The following PIEZO2 variants were observed in gnomAD, a reference collection of about 807,000 sequenced individuals.
PIEZO2 encodes the protein piezo type mechanosensitive ion channel component 2.
In PIEZO2, 172 loss-of-function variants were observed where a neutral mutation model predicts 337.3. The observed-to-expected ratio is 0.51, with a 90% CI of 0.45 to 0.58. The LOEUF (loss-of-function observed/expected upper bound fraction) is 0.58. PIEZO2 is among the 20% of genes least tolerant of loss of function. The probability of loss-of-function intolerance (pLI) is 0.00; values close to 1 mark genes in which losing one functional copy is unlikely to be tolerated. For missense variants in PIEZO2, 3,028 were observed against 3,391.3 expected, an observed-to-expected ratio of 0.89 and a Z score of 2.66; for synonymous variants, 1,251 against 1,228.5, an observed-to-expected ratio of 1.02 and a Z score of -0.38.
chr18:10,829,798 A>T (rs2040788644), intron 7 of PIEZO2, among the ~76,000 whole-genome samples: 1 of 152,138 alleles, frequency 6.6e-6, no homozygotes, highest in Non-Finnish European at 1.5e-5. Context: ...AAATTGATGC[A>T]ATAAAATAAA....
intron 32 of PIEZO2, 66 bp downstream of exon 32, chr18:10,742,428 C>T (rs1418831950): frequency 1.3e-6 from 2 of 1,495,250 alleles, no homozygotes; most frequent in Non-Finnish European, 1.8e-6. Flanking sequence ...TATTTTACAG[C>T]CCTGCTCAAT....
At chr18:10,860,308 A>G (rs1428061391) in intron 5 of PIEZO2, among the ~76,000 whole-genome samples, 2 of 152,124 alleles carry the variant, frequency 1.3e-5, no homozygotes, top group South Asian at 2.1e-4. Context: ...GATCTATGCC[A>G]TCTCCTTGCC....
rs1270241580 is a variant in PIEZO2, at chr18:11,127,885, G to T, written c.64+20640C>A. Among the ~76,000 whole-genome samples, 1 of 150,708 alleles carries T rather than the reference G, an allele frequency of 6.6e-6. No homozygotes were observed. The highest frequency in any genetic ancestry group is 1.5e-5 in the Non-Finnish European group (1 of 67,792). ...AATACAGATTTTGGTATCAGGAGTGGTTCTAGAGGAACAGAATATTAAGGA... is the reference window on the plus strand; with the variant it reads ...AATACAGATTTTGGTATCAGGAGTGTTTCTAGAGGAACAGAATATTAAGGA... On this transcript the variant is annotated intron_variant, in intron 1 of 55. Transcript: ENST00000674853. The surrounding 1 kb of genome is among the most constrained non-coding windows in gnomAD (Gnocchi z 4.5).
chr18:10,829,119 TC>T (rs1382055486), intron 7 of PIEZO2, among the ~76,000 whole-genome samples: 1 of 152,200 alleles, frequency 6.6e-6, no homozygotes, highest in Non-Finnish European at 1.5e-5. Flanking sequence ...AGAGAAGTCA[TC>T]TTCTCGGCGA....
At chr18:10,776,857 A>G (rs2144035419) in intron 18 of PIEZO2, among the ~76,000 whole-genome samples, 1 of 152,296 alleles carries the variant, frequency 6.6e-6, no homozygotes, top group East Asian at 1.9e-4. Context: ...ATTTTCCAAA[A>G]ACAAAATTTA....
chr18:11,055,726 G>A (rs1271141369), intron 2 of PIEZO2, among the ~76,000 whole-genome samples: 4 of 152,224 alleles, frequency 2.6e-5, no homozygotes, highest in South Asian at 2.1e-4. Context: ...TGCAGTGGGG[G>A]AAATCTTGAC....
chr18:11,118,267 C>T (rs1332121565), intron 1 of PIEZO2, among the ~76,000 whole-genome samples: 1 of 152,236 alleles, frequency 6.6e-6, no homozygotes, highest in African/African-American at 2.4e-5. Flanking sequence ...TCCACACAAT[C>T]TGCCTCTCCA....
chr18:11,075,282 A>G (rs1220909932), intron 1 of PIEZO2, among the ~76,000 whole-genome samples: 2 of 151,830 alleles, frequency 1.3e-5, no homozygotes, highest in Non-Finnish European at 2.9e-5. Flanking sequence ...TTATGAATAG[A>G]AAAAAAAGAG....
chr18:11,055,853 C>T (rs1280529951), intron 2 of PIEZO2, among the ~76,000 whole-genome samples: 3 of 152,194 alleles, frequency 2.0e-5, no homozygotes, highest in Non-Finnish European at 4.4e-5. Context: ...GTTGTGTGCG[C>T]CCTTCGCTGG....
At chr18:10,814,143 AT>A (rs765895848) in intron 7 of PIEZO2, among the ~76,000 whole-genome samples, 2 of 151,462 alleles carry the variant, frequency 1.3e-5, no homozygotes, top group African/African-American at 4.8e-5. Flanking sequence ...AATTTTTTGT[AT>A]TTTTTTAGTA....
At position 11,001,964 on chromosome 18, in the gene PIEZO2, A is replaced by G. The variant is rs1411469217; in HGVS notation, c.161-22304T>C. 6.6e-6 allele frequency among the ~76,000 whole-genome samples: 1 copy of G among 152,002 alleles called. No individual in the cohort carries two copies. Among genetic ancestry groups the G allele is most frequent in the Non-Finnish European group, 1.5e-5 (1 of 67,982 alleles). On this transcript the variant is annotated intron_variant, in intron 2 of 55. Transcript: ENST00000674853. This position sits in a 1 kb window ranked among gnomAD's most constrained non-coding sequence, Gnocchi z 5.3. ...AAGGAAGGAAGAAAAAAAGACTTGG[A>G]AGGAGCCAAAACTTGCAGCAAAGTT... is the stretch of plus-strand genomic sequence containing the variant.
At chr18:10,728,948 C>CT (rs2036651527) in intron 36 of PIEZO2, among the ~76,000 whole-genome samples, 1 of 118,170 alleles carries the variant, frequency 8.5e-6, no homozygotes, top group Non-Finnish European at 1.6e-5. Context: ...GAGCAAGACT[C>CT]TGTCTCAAAA....
At position 10,813,884 on chromosome 18, in the gene PIEZO2, T is replaced by C. The variant is rs1459968352; in HGVS notation, c.918-6610A>G. Among the ~76,000 whole-genome samples, 1 of 152,128 alleles carries C rather than the reference T, an allele frequency of 6.6e-6. No homozygotes were observed. The highest frequency in any genetic ancestry group is 6.5e-5 in the Admixed American group (1 of 15,272). ...CATTCCCACCAGCAGTGCACAGTCTTCCAGTTTCCCTATAGCCTTGCCAAG... is the reference window on the plus strand; with the variant it reads ...CATTCCCACCAGCAGTGCACAGTCTCCCAGTTTCCCTATAGCCTTGCCAAG... On this transcript the variant is annotated intron_variant, in intron 7 of 55. Transcript: ENST00000674853. This position sits in a 1 kb window ranked among gnomAD's most constrained non-coding sequence, Gnocchi z 4.2.
Position 10,778,434 on chromosome 18 carries a change from G to A in PIEZO2, c.2534+1891C>T, listed in dbSNP as rs527563543. 1.9e-4 allele frequency among the ~76,000 whole-genome samples: 28 copies of A among 149,296 alleles called. No homozygotes were observed. The South Asian group carries it at 5.1e-3, about 27-fold the overall frequency. ...TGCAAGCTCTGCCTCCCAGGTTCAC[G>A]CCATTCTCCTCCCTTAGCCTCCCGA... On this transcript the variant is annotated intron_variant, in intron 18 of 55. Coordinates refer to ENST00000674853, the MANE Select transcript of PIEZO2 (RefSeq NM_001378183.1).
intron 39 of PIEZO2, among the ~76,000 whole-genome samples, chr18:10,710,500 T>C (rs1323217117): frequency 6.6e-6 from 1 of 152,254 alleles, no homozygotes; most frequent in Non-Finnish European, 1.5e-5. Context: ...TTTTCTGTGT[T>C]ATCTGATTAT....
chr18:10,695,968 C>G, intron 47 of PIEZO2, 106 bp downstream of exon 47: 1 of 1,123,662 alleles, frequency 8.9e-7, no homozygotes, highest in Non-Finnish European at 1.3e-6. Context: ...TGTGCCAAGG[C>G]TCTGCCTGTG....
rs1244974991 is a variant in PIEZO2, at chr18:10,895,279, C to G, written c.329+15907G>C. ...TGGCCAACATGGTGAAACCCCATTTCTACTAAAAATACAAAAATTAGCTGG... is the reference window on the plus strand; with the variant it reads ...TGGCCAACATGGTGAAACCCCATTTGTACTAAAAATACAAAAATTAGCTGG... On this transcript the variant is annotated intron_variant, in intron 4 of 55. Transcript: ENST00000674853. This position sits in a 1 kb window ranked among gnomAD's most constrained non-coding sequence, Gnocchi z 4.8. 6.6e-6 allele frequency among the ~76,000 whole-genome samples: 1 copy of G among 151,794 alleles called. No individual in the cohort carries two copies. Among genetic ancestry groups the G allele is most frequent in the Admixed American group, 6.6e-5 (1 of 15,236 alleles).
chr18:11,142,595 C>T (rs2040683199), intron 1 of PIEZO2, among the ~76,000 whole-genome samples: 6 of 151,938 alleles, frequency 3.9e-5, no homozygotes, highest in Admixed American at 3.3e-4. Flanking sequence ...GCCTGGCCAA[C>T]ATGGTGAAAC....
intron 4 of PIEZO2, among the ~76,000 whole-genome samples, chr18:10,883,145 A>T (rs980962195): frequency 2.0e-5 from 3 of 152,274 alleles, no homozygotes; most frequent in Admixed American, 2.0e-4. Context: ...CCTATGTACC[A>T]CATTTTCTTT....
Sources: gnomAD v4.1 joint callset for allele counts (sites outside exome capture counted in the v4.1 genomes callset) on GRCh38, gnomAD v4.1.1 for gene constraint, Gnocchi (gnomAD v3.1) non-coding constraint, MANE v1.5 for transcripts, NCBI Gene and HGNC (gene_info 2026-07-23, HGNC 2026-07-21) for gene names.